The following VPS13B variants were observed in gnomAD, a reference collection of about 807,000 sequenced individuals.
VPS13B encodes the protein intermembrane lipid transfer protein VPS13B.
VPS13B carries 285 observed loss-of-function variants against 426.4 expected under a neutral mutation model. That is an observed-to-expected ratio of 0.67 (90% CI 0.61 to 0.74). The LOEUF is 0.74. Ranked by LOEUF, VPS13B falls within the 30% of genes least tolerant of loss-of-function variation. The pLI, the probability that VPS13B is intolerant of heterozygous loss-of-function variation, is 0.00. For missense variants in VPS13B, 4,537 were observed against 4,782.6 expected, an observed-to-expected ratio of 0.95 and a Z score of 1.51; for synonymous variants, 1,676 against 1,676.4, an observed-to-expected ratio of 1.00 and a Z score of 0.01.
intron 33 of VPS13B, among the ~76,000 whole-genome samples, chr8:99,623,709 T>A (rs1588560922): frequency 6.6e-6 from 1 of 152,138 alleles, no homozygotes; most frequent in South Asian, 2.1e-4. Flanking sequence ...GGGAGATAAT[T>A]GAAGCCACTG....
At chr8:99,666,509 C>G (rs1308516423) in intron 35 of VPS13B, among the ~76,000 whole-genome samples, 2 of 152,258 alleles carry the variant, frequency 1.3e-5, no homozygotes, top group East Asian at 3.9e-4. Flanking sequence ...TCAACATACA[C>G]AAATCAATAA....
intron 17 of VPS13B, among the ~76,000 whole-genome samples, chr8:99,261,094 C>T (rs75904832): frequency 0.056 from 8,551 of 152,084 alleles, 276 homozygotes; most frequent in African/African-American, 0.089. Context: ...CAGAGTGATA[C>T]ATTTGTTACC....
At chr8:99,763,027 A>G (rs757990880) in intron 39 of VPS13B, among the ~76,000 whole-genome samples, 23 of 149,532 alleles carry the variant, frequency 1.5e-4, no homozygotes, top group Non-Finnish European at 3.0e-4. Flanking sequence ...GGTCCCAGCT[A>G]CTTGGGGCTG....
At chr8:99,245,973 A>G (rs1000528160) in intron 17 of VPS13B, among the ~76,000 whole-genome samples, 2 of 152,222 alleles carry the variant, frequency 1.3e-5, no homozygotes, top group Non-Finnish European at 2.9e-5. Context: ...GTGGTGCCTT[A>G]TGCTCACAGA....
At chr8:99,046,604 T>C (rs1843252831) in intron 3 of VPS13B, among the ~76,000 whole-genome samples, 1 of 152,030 alleles carries the variant, frequency 6.6e-6, no homozygotes, top group Non-Finnish European at 1.5e-5. Context: ...GTGGTAAGAG[T>C]GGGCCTCCTT....
At chr8:99,673,657 T>C (rs964401265) in intron 35 of VPS13B, among the ~76,000 whole-genome samples, 2 of 151,968 alleles carry the variant, frequency 1.3e-5, no homozygotes, top group Admixed American at 6.6e-5. Context: ...GGGCTTTGTT[T>C]GTTCTTGTTT....
chr8:99,619,367 AAAG>A (rs1828253334), intron 33 of VPS13B, among the ~76,000 whole-genome samples: 1 of 152,108 alleles, frequency 6.6e-6, no homozygotes, highest in African/African-American at 2.4e-5. Context: ...AGGATAGGGG[AAAG>A]TGGAATGTAT....
intron 3 of VPS13B, among the ~76,000 whole-genome samples, chr8:99,042,259 A>G (rs1016635401): frequency 6.6e-6 from 1 of 152,110 alleles, no homozygotes; most frequent in Non-Finnish European, 1.5e-5. Context: ...ATATATTCTT[A>G]CCATCTTTCT....
At chr8:99,056,299 G>T (rs1169164392) in intron 3 of VPS13B, among the ~76,000 whole-genome samples, 3 of 152,004 alleles carry the variant, frequency 2.0e-5, no homozygotes, top group Non-Finnish European at 2.9e-5. Flanking sequence ...GGGCTCAAGC[G>T]ATCTGCCTGC....
At chr8:99,503,644 C>T (rs1463762096) in intron 27 of VPS13B, among the ~76,000 whole-genome samples, 4 of 152,198 alleles carry the variant, frequency 2.6e-5, no homozygotes. Context: ...CCAGAAACCA[C>T]TTTCTTTGCT....
At chr8:99,137,707 C>G (rs1371826366) in intron 12 of VPS13B, among the ~76,000 whole-genome samples, 1 of 152,038 alleles carries the variant, frequency 6.6e-6, no homozygotes, top group East Asian at 1.9e-4. Context: ...AATTTCTTTC[C>G]CTAAACTTTC....
rs542449674 is a variant in VPS13B at position 99,466,185 on chromosome 8, T to A, written c.3446-1229T>A. Among the ~76,000 whole-genome samples the A allele has an allele frequency of 9.9e-5, 15 of 152,166 alleles. No individual in the cohort carries two copies. In the Middle Eastern group the frequency reaches 0.014, roughly 138 times the overall value. On this transcript the variant is annotated intron_variant, in intron 23 of 61. Coordinates refer to ENST00000357162, the MANE Select transcript of VPS13B (RefSeq NM_152564.5). Reference sequence around the variant, plus strand: ...TCACCCATAGGGGAAAAAATATATATGAAGGAAATATAACTAAGTGTTAAT... The same window carrying A: ...TCACCCATAGGGGAAAAAATATATAAGAAGGAAATATAACTAAGTGTTAAT...
chr8:99,712,568 C>T (rs1391101676), intron 36 of VPS13B, among the ~76,000 whole-genome samples: 5 of 152,150 alleles, frequency 3.3e-5, no homozygotes, highest in Non-Finnish European at 7.3e-5. Flanking sequence ...TTCTGAAGCA[C>T]ATTGTGTGTC....
At chr8:99,299,628 T>A (rs1178578789) in intron 19 of VPS13B, among the ~76,000 whole-genome samples, 1 of 151,972 alleles carries the variant, frequency 6.6e-6, no homozygotes, top group East Asian at 1.9e-4. Context: ...AAAAGTAAAT[T>A]TGGCCAGGCA....
intron 3 of VPS13B, among the ~76,000 whole-genome samples, chr8:99,072,907 A>C (rs1844920805): frequency 6.6e-6 from 1 of 152,176 alleles, no homozygotes; most frequent in Non-Finnish European, 1.5e-5. Context: ...AGGTGGCTGT[A>C]AATACATGGA....
At chr8:99,815,875 AG>A (rs1814003563) in intron 44 of VPS13B, among the ~76,000 whole-genome samples, 1 of 152,184 alleles carries the variant, frequency 6.6e-6, no homozygotes, top group South Asian at 2.1e-4. Flanking sequence ...TCTGTCACCC[AG>A]GGTGGAGTAC....
intron 2 of VPS13B, among the ~76,000 whole-genome samples, chr8:99,032,871 T>A (rs956444456): frequency 6.6e-6 from 1 of 152,000 alleles, no homozygotes; most frequent in Non-Finnish European, 1.5e-5. Flanking sequence ...GCTTGGGGGA[T>A]TATAATATGC....
intron 19 of VPS13B, among the ~76,000 whole-genome samples, chr8:99,285,474 T>C (rs1023055912): frequency 1.3e-5 from 2 of 152,138 alleles, no homozygotes; most frequent in African/African-American, 4.8e-5. Context: ...ATACAAAAAG[T>C]ATTCGGGTTG....
chr8:99,564,933 C>T (rs1286022024), intron 31 of VPS13B, among the ~76,000 whole-genome samples: 1 of 152,072 alleles, frequency 6.6e-6, no homozygotes, highest in Non-Finnish European at 1.5e-5. Flanking sequence ...TTTTCTTTTT[C>T]TCTTAGCAAC....
Sources: allele counts gnomAD v4.1 joint callset (sites outside exome capture counted in the v4.1 genomes callset), GRCh38; gene constraint gnomAD v4.1.1; transcripts MANE v1.5; gene names NCBI Gene and HGNC (gene_info 2026-07-23, HGNC 2026-07-21).